IFT172: variants seen among roughly 807,000 people sequenced by gnomAD.
The protein encoded by IFT172 is intraflagellar transport protein 172 homolog.
IFT172 carries 164 observed loss-of-function variants against 248.9 expected under a neutral mutation model. That is an observed-to-expected ratio of 0.66 (90% CI 0.58 to 0.75). The LOEUF is 0.75. IFT172 is among the 30% of genes least tolerant of loss of function. The pLI, the probability that IFT172 is intolerant of heterozygous loss-of-function variation, is 0.00. For missense variants in IFT172, 1,950 were observed against 2,192.4 expected, an observed-to-expected ratio of 0.89 and a Z score of 2.21; for synonymous variants, 729 against 791.6, an observed-to-expected ratio of 0.92 and a Z score of 1.33.
In IFT172 at chr2:27,465,399, T is replaced by G. The variant is rs763596477; in HGVS notation, c.1937+12A>C. 6.2e-7 allele frequency: 1 copy of G among 1,610,410 alleles called. No individual in the cohort carries two copies. ...AGCTGCGTGGCACCTCTGTTCTACA[T>G]GTCTACCTCACCTCTCCGCAATGTG... is the stretch of plus-strand genomic sequence containing the variant. On this transcript the variant is annotated intron_variant, in intron 18 of 47. Coordinates refer to ENST00000260570, the MANE Select transcript of IFT172 (RefSeq NM_015662.3).
intron 7 of IFT172, among the ~76,000 whole-genome samples, chr2:27,481,606 A>G (rs574197311): frequency 6.6e-6 from 1 of 151,394 alleles, no homozygotes; most frequent in African/African-American, 2.4e-5. Context: ...CAGTGGCACA[A>G]TCTCATCGCT....
chr2:27,469,595 G>A (rs1268699653), intron 16 of IFT172, among the ~76,000 whole-genome samples: 1 of 152,176 alleles, frequency 6.6e-6, no homozygotes, highest in Non-Finnish European at 1.5e-5. Context: ...ACTTTGGGAG[G>A]CCAAGGCGGG....
chr2:27,479,388 A>G (rs1170914099), intron 10 of IFT172, 121 bp downstream of exon 10: 4 of 680,956 alleles, frequency 5.9e-6, no homozygotes, highest in Non-Finnish European at 1.1e-5. Flanking sequence ...TGCCCAGAAC[A>G]GCTCTTCCAG....
At chr2:27,462,217 A>G (rs1460691445) in intron 20 of IFT172, among the ~76,000 whole-genome samples, 1 of 152,066 alleles carries the variant, frequency 6.6e-6, no homozygotes, top group East Asian at 1.9e-4. Context: ...TATTTTTAGT[A>G]GAGATGGGGT....
At chr2:27,452,209 C>T (rs916273138) in intron 35 of IFT172, among the ~76,000 whole-genome samples, 2 of 152,140 alleles carry the variant, frequency 1.3e-5, no homozygotes, top group African/African-American at 4.8e-5. Context: ...AAGGCTGGCT[C>T]CTTCCCAAGT....
chr2:27,472,754 G>C (rs569536745), intron 14 of IFT172, among the ~76,000 whole-genome samples: 1 of 152,328 alleles, frequency 6.6e-6, no homozygotes, highest in South Asian at 2.1e-4. Flanking sequence ...TAAGAGCACT[G>C]CAAGGGTGGA....
At chr2:27,461,553 C>T in intron 21 of IFT172, 36 bp from the exon 22 acceptor site, 1 of 1,605,504 alleles carries the variant, frequency 6.2e-7, no homozygotes, top group Non-Finnish European at 8.5e-7. Context: ...GAGTCACATC[C>T]CCCTTCCTAC....
chr2:27,459,224 A>G, intron 25 of IFT172, 154 bp downstream of exon 25: 2 of 937,306 alleles, frequency 2.1e-6, no homozygotes, highest in Non-Finnish European at 3.1e-6. Context: ...TGAAAATGGG[A>G]AAGTAAACTG....
At chr2:27,484,105 T>A in intron 4 of IFT172, 122 bp downstream of exon 4, 3 of 1,421,238 alleles carry the variant, frequency 2.1e-6, no homozygotes, top group Non-Finnish European at 3.0e-6. Context: ...TGAAGCACCA[T>A]CCTTGCAGTA....
Position 27,449,950 on chromosome 2 carries a change from C to T in IFT172, c.4050+48G>A, listed in dbSNP as rs1032709771. The T allele has an allele frequency of 5.2e-6, 8 of 1,532,336 alleles. No homozygotes were observed. In the African/African-American group the frequency reaches 1.1e-4, roughly 21 times the overall value. 94.9% of individuals were successfully genotyped at this position (1,532,336 alleles called of 1,614,324 possible). A position where few individuals can be genotyped will look rare whatever the true frequency, so the allele number is the denominator to read the frequency against. On this transcript the variant is annotated intron_variant, in intron 36 of 47. Transcript: ENST00000260570. ...CCTGGGTGTAGATGTCACCCTTGCACCCATCTCTGTGAAATCTATTTCTGT... is the reference window on the plus strand; with the variant it reads ...CCTGGGTGTAGATGTCACCCTTGCATCCATCTCTGTGAAATCTATTTCTGT...
At chr2:27,477,424 C>A in intron 12 of IFT172, 104 bp from the exon 13 acceptor site, 1 of 1,246,616 alleles carries the variant, frequency 8.0e-7, no homozygotes, top group South Asian at 1.2e-5. Context: ...TCTCCTTGTT[C>A]TCTTACCCTG....
At position 27,463,149 on chromosome 2, in the gene IFT172, GC is replaced by G; in HGVS notation, c.1969del (p.Ala657LeufsTer32). ...CFSALGQVAKARFLHETNEIA... is the reference protein window; with the variant it reads ...CFSALGQVAKXRFLHETNEIA... ...CTCATTGGTCTCATGCAGGAATCGA[GC>G]TTTTGCTACTTGGCCCAAAGCAGAA... On this transcript the variant is annotated frameshift_variant, in exon 19 of 48. Coordinates refer to ENST00000260570, the MANE Select transcript of IFT172 (RefSeq NM_015662.3). LOFTEE classifies it high-confidence loss of function. 2 of 1,614,150 alleles carry G rather than the reference GC, an allele frequency of 1.2e-6. No individual in the cohort carries two copies. Among genetic ancestry groups the G allele is most frequent in the Non-Finnish European group, 1.7e-6 (2 of 1,180,026 alleles).
intron 23 of IFT172, 142 bp from the exon 24 acceptor site, chr2:27,459,971 C>G: frequency 1.9e-6 from 2 of 1,077,828 alleles, no homozygotes; most frequent in Non-Finnish European, 2.7e-6. Flanking sequence ...AACACACGCA[C>G]CAAGAGGTGT....
chr2:27,455,307 A>G, intron 30 of IFT172: 1 of 331,988 alleles, frequency 3.0e-6, no homozygotes, highest in Non-Finnish European at 5.8e-6. Flanking sequence ...GCGATTTTGA[A>G]ATAATTGATG....
chr2:27,461,698 G>C (rs1054001264), intron 21 of IFT172, 61 bp downstream of exon 21: 8 of 1,604,692 alleles, frequency 5.0e-6, no homozygotes, highest in Non-Finnish European at 6.8e-6. Flanking sequence ...TTGACAAAAG[G>C]AGGTTTTTGA....
intron 16 of IFT172, among the ~76,000 whole-genome samples, chr2:27,469,487 G>A (rs1667385600): frequency 6.6e-6 from 1 of 152,130 alleles, no homozygotes; most frequent in East Asian, 1.9e-4. Flanking sequence ...GCAAGAAAAG[G>A]TAAACAAAGG....
intron 14 of IFT172, chr2:27,475,569 A>C (rs1298331618): frequency 6.6e-6 from 1 of 152,184 alleles, no homozygotes; most frequent in Admixed American, 6.5e-5. Flanking sequence ...TATCATTCCA[A>C]TTTTAATATA....
chr2:27,481,287 C>T (rs1572825022), intron 7 of IFT172, 27 bp from the exon 8 acceptor site: 2 of 1,578,304 alleles, frequency 1.3e-6, no homozygotes, highest in Non-Finnish European at 1.7e-6. Context: ...GGGTTTCAAT[C>T]ACTCTTCGAA....
chr2:27,472,387 A>T, intron 14 of IFT172, 25 bp from the exon 15 acceptor site: 2 of 1,579,888 alleles, frequency 1.3e-6, no homozygotes, highest in Non-Finnish European at 1.7e-6. Flanking sequence ...AGACAGGGTT[A>T]AGAAGAGAGA....
Sources: gnomAD v4.1 joint callset for allele counts (sites outside exome capture counted in the v4.1 genomes callset) on GRCh38, gnomAD v4.1.1 for gene constraint, MANE v1.5 for transcripts, NCBI Gene and HGNC (gene_info 2026-07-23, HGNC 2026-07-21) for gene names.